Variants in SYNPR observed in about 807,000 individuals in gnomAD.
SYNPR encodes the protein synaptoporin.
SYNPR carries 23 observed loss-of-function variants against 32.9 expected under a neutral mutation model. The observed-to-expected ratio is 0.70, with a 90% CI of 0.50 to 0.99. The LOEUF (loss-of-function observed/expected upper bound fraction) is 0.99, where lower values mean the gene tolerates loss of function less well. Among genes scored for constraint, SYNPR ranks in the 50% least tolerant of loss-of-function variants. The pLI is 0.00. For synonymous variants in SYNPR, 146 were observed against 135.9 expected (o/e 1.07, Z -0.52); for missense variants, 318 against 349.3 (o/e 0.91, Z 0.71).
At chr3:63,576,803 A>AG (rs1553648585) in intron 4 of SYNPR, among the ~76,000 whole-genome samples, 9 of 151,850 alleles carry the variant, frequency 5.9e-5, no homozygotes, top group African/African-American at 2.2e-4. Context: ...AAAAAAAAAA[A>AG]AGAAAGAAAG....
At chr3:63,284,581 G>A (rs1429960336) in intron 2 of SYNPR, among the ~76,000 whole-genome samples, 1 of 152,154 alleles carries the variant, frequency 6.6e-6, no homozygotes, top group African/African-American at 2.4e-5. Context: ...GCAGCATGTC[G>A]ATATGTGAGG....
At chr3:63,374,342 T>G (rs530385409) in intron 2 of SYNPR, among the ~76,000 whole-genome samples, 1 of 152,316 alleles carries the variant, frequency 6.6e-6, no homozygotes, top group Admixed American at 6.5e-5. Context: ...TGAATCACAT[T>G]TATTCTCACT....
chr3:63,304,504 C>G (rs920039264), intron 2 of SYNPR, among the ~76,000 whole-genome samples: 1 of 152,056 alleles, frequency 6.6e-6, no homozygotes, highest in Non-Finnish European at 1.5e-5. Context: ...GGAATTTATT[C>G]TCTAAATTGC....
intron 2 of SYNPR, among the ~76,000 whole-genome samples, chr3:63,469,012 G>C (rs1700743537): frequency 6.6e-6 from 1 of 151,796 alleles, no homozygotes; most frequent in African/African-American, 2.4e-5. Context: ...TTTTTTTCCA[G>C]AATAACCCTA....
chr3:63,471,085 T>A (rs1002796616), intron 2 of SYNPR, among the ~76,000 whole-genome samples: 1 of 152,184 alleles, frequency 6.6e-6, no homozygotes, highest in African/African-American at 2.4e-5. Context: ...GTTGATGGCA[T>A]GAAGTATCAA....
chr3:63,477,169 C>T (rs1416632825), intron 2 of SYNPR, among the ~76,000 whole-genome samples: 5 of 152,164 alleles, frequency 3.3e-5, no homozygotes, highest in Non-Finnish European at 7.4e-5. Context: ...TCTGAAGTCC[C>T]CTCCCACTCT....
At chr3:63,236,832 C>G (rs1307239353) in intron 1 of SYNPR, among the ~76,000 whole-genome samples, 1 of 152,068 alleles carries the variant, frequency 6.6e-6, no homozygotes, top group Admixed American at 6.6e-5. Context: ...TTCTTCCTTT[C>G]CAATCTGTAT....
intron 2 of SYNPR, among the ~76,000 whole-genome samples, chr3:63,324,603 A>G (rs971608526): frequency 1.3e-5 from 2 of 152,130 alleles, no homozygotes; most frequent in African/African-American, 2.4e-5. Flanking sequence ...TGGTCTTGAA[A>G]GCCCAATATA....
intron 2 of SYNPR, among the ~76,000 whole-genome samples, chr3:63,367,673 T>C (rs1430991111): frequency 6.6e-6 from 1 of 152,170 alleles, no homozygotes; most frequent in Non-Finnish European, 1.5e-5. Flanking sequence ...AATTATAATT[T>C]AAATAATTCA....
intron 2 of SYNPR, among the ~76,000 whole-genome samples, chr3:63,372,755 A>G (rs1350997112): frequency 6.6e-6 from 1 of 152,142 alleles, no homozygotes; most frequent in African/African-American, 2.4e-5. Flanking sequence ...ATAAAGCCTG[A>G]GCTCGCCCCA....
Position 63,480,890 on chromosome 3 carries a change from G to A in SYNPR, c.143G>A (p.Ser48Asn). The A allele has an allele frequency of 1.9e-6, 3 of 1,613,704 alleles. No homozygotes were observed. The highest frequency in any genetic ancestry group is 2.5e-6 in the Non-Finnish European group (3 of 1,179,662). Residue 48 changes from serine to asparagine, a missense_variant, in exon 3 of 6, where the codon AGT becomes AAT. By Grantham distance (46) the Ser-to-Asn change is conservative. Transcript: ENST00000478300. ...GGCTATTCTGGAGGCCTGCGGCTGA[G>A]TGTGGACTGCGTCAACAAGACAGAA... ...CGGYSGGLRLSVDCVNKTESN... is the reference protein window; with the variant it reads ...CGGYSGGLRLNVDCVNKTESN...
intron 4 of SYNPR, among the ~76,000 whole-genome samples, chr3:63,568,297 G>A (rs1702827794): frequency 6.6e-6 from 1 of 152,196 alleles, no homozygotes; most frequent in African/African-American, 2.4e-5. Flanking sequence ...TGTATATTGA[G>A]TGTGATCCAG....
At chr3:63,395,301 G>A (rs1436790063) in intron 2 of SYNPR, among the ~76,000 whole-genome samples, 1 of 152,166 alleles carries the variant, frequency 6.6e-6, no homozygotes, top group Non-Finnish European at 1.5e-5. Context: ...GAAATCTTGA[G>A]AAGTAGAAAT....
intron 3 of SYNPR, among the ~76,000 whole-genome samples, chr3:63,500,616 C>A (rs1701460986): frequency 6.6e-6 from 1 of 152,130 alleles, no homozygotes; most frequent in African/African-American, 2.4e-5. Flanking sequence ...AAATGAGTGT[C>A]CCTTGGGAAA....
intron 4 of SYNPR, among the ~76,000 whole-genome samples, chr3:63,604,070 A>G (rs1332864512): frequency 1.3e-5 from 2 of 152,060 alleles, no homozygotes; most frequent in African/African-American, 4.8e-5. Flanking sequence ...TCCTGGTTCA[A>G]TCTTGGGAAA....
chr3:63,271,028 C>A (rs375982821), intron 3 of SYNPR, among the ~76,000 whole-genome samples: 3 of 101,114 alleles, frequency 3.0e-5, no homozygotes, highest in South Asian at 8.9e-4. Context: ...TCCTTCTTTC[C>A]TTCCTTCCTT....
At chr3:63,563,733 G>A (rs1157380438) in intron 4 of SYNPR, among the ~76,000 whole-genome samples, 1 of 152,024 alleles carries the variant, frequency 6.6e-6, no homozygotes, top group Non-Finnish European at 1.5e-5. Flanking sequence ...GAACATTATT[G>A]AATCATTAAA....
At chr3:63,456,739 C>T (rs894326453) in intron 2 of SYNPR, among the ~76,000 whole-genome samples, 6 of 152,068 alleles carry the variant, frequency 3.9e-5, no homozygotes, top group African/African-American at 1.4e-4. Flanking sequence ...GATTCATGAT[C>T]ACGCCTCTTT....
intron 3 of SYNPR, among the ~76,000 whole-genome samples, chr3:63,529,400 T>C (rs747903878): frequency 7.2e-5 from 11 of 152,240 alleles, no homozygotes; most frequent in Non-Finnish European, 1.3e-4. Context: ...TGTTTCTGAA[T>C]ATCTTCAATT....
Sources: gnomAD v4.1 joint callset for allele counts (sites outside exome capture counted in the v4.1 genomes callset) on GRCh38, gnomAD v4.1.1 for gene constraint, MANE v1.5 for transcripts, NCBI Gene and HGNC (gene_info 2026-07-23, HGNC 2026-07-21) for gene names.